ZNF362: variants seen among roughly 807,000 people sequenced by gnomAD.
ZNF362 encodes the protein zinc finger protein 362, also known as rotund homolog.
ZNF362 carries 11 observed loss-of-function variants against 42.9 expected under a neutral mutation model. The ratio of observed to expected loss-of-function variants is 0.26; its 90% CI spans 0.16 to 0.42. The LOEUF is 0.42. ZNF362 is among the 20% of genes least tolerant of loss of function. The pLI is 1.00. For missense variants in ZNF362, 362 were observed against 576.2 expected (o/e 0.63, Z 3.81); for synonymous variants, 255 against 257.3 (o/e 0.99, Z 0.09).
chr1:33,150,544 G>A, the ZNF362 span, among the ~76,000 whole-genome samples: 2 of 152,230 alleles, frequency 1.3e-5, no homozygotes, highest in Admixed American at 6.5e-5. Flanking sequence ...TTAGCCTTGT[G>A]AATAGAGGGG....
At chr1:33,157,857 A>G in the ZNF362 span, among the ~76,000 whole-genome samples, 1 of 152,028 alleles carries the variant, frequency 6.6e-6, no homozygotes, top group Non-Finnish European at 1.5e-5. Flanking sequence ...CCTGGGTTCA[A>G]GCAATTCTCC....
chr1:33,251,902 C>T (rs1645763548), upstream of ZNF362, among the ~76,000 whole-genome samples: 1 of 152,228 alleles, frequency 6.6e-6, no homozygotes, highest in Non-Finnish European at 1.5e-5. Context: ...AGAGCTCACC[C>T]ATGTCCAGTC....
At chr1:33,267,384 C>G (rs1056567658) in intron 1 of ZNF362, among the ~76,000 whole-genome samples, 1 of 152,194 alleles carries the variant, frequency 6.6e-6, no homozygotes, top group Non-Finnish European at 1.5e-5. Flanking sequence ...TTTTCTTCCC[C>G]TCTTTTCTCT....
chr1:33,276,709 G>T, intron 4 of ZNF362, 115 bp downstream of exon 4: 1 of 1,228,008 alleles, frequency 8.1e-7, no homozygotes, highest in Non-Finnish European at 1.0e-6. Flanking sequence ...GGCGGGCAGG[G>T]CCTAGGGGTA....
chr1:33,258,851 T>C (rs911383270), intron 1 of ZNF362, among the ~76,000 whole-genome samples: 1 of 152,202 alleles, frequency 6.6e-6, no homozygotes, highest in Admixed American at 6.5e-5. Context: ...CTAATGGGGA[T>C]TATGAACCTC....
the ZNF362 span, among the ~76,000 whole-genome samples, chr1:33,153,271 G>A: frequency 1.4e-4 from 21 of 152,270 alleles, no homozygotes; most frequent in East Asian, 1.5e-3. Context: ...CAAAGAAAGG[G>A]GCCCAGCCAA....
the ZNF362 span, chr1:33,180,885 G>T: frequency 3.7e-6 from 1 of 270,330 alleles, no homozygotes; most frequent in Non-Finnish European, 6.1e-6. Flanking sequence ...ACTCCTGATA[G>T]GGCCCTGACC....
chr1:33,239,680 C>T, the ZNF362 span, among the ~76,000 whole-genome samples: 1 of 152,170 alleles, frequency 6.6e-6, no homozygotes, highest in Non-Finnish European at 1.5e-5. Context: ...GACTCACTTA[C>T]TATCACGAGA....
At chr1:33,192,856 C>T in the ZNF362 span, among the ~76,000 whole-genome samples, 7 of 151,824 alleles carry the variant, frequency 4.6e-5, no homozygotes, top group Admixed American at 2.6e-4. Flanking sequence ...GAAGTGTATT[C>T]GGGAGTCTTC....
the ZNF362 span, chr1:33,165,044 G>C: frequency 6.5e-6 from 1 of 153,428 alleles, no homozygotes; most frequent in Middle Eastern, 3.3e-3. The surrounding 1 kb of genome is among the most constrained non-coding windows in gnomAD (Gnocchi z 4.0). Flanking sequence ...ATCTTGCCTC[G>C]GCCTCTGAAG....
chr1:33,282,518 A>G (rs982403010), intron 6 of ZNF362, among the ~76,000 whole-genome samples: 2 of 152,204 alleles, frequency 1.3e-5, no homozygotes, highest in Non-Finnish European at 1.5e-5. Context: ...TCAAAGCTAT[A>G]AATGCTTTAA....
the ZNF362 span, among the ~76,000 whole-genome samples, chr1:33,229,290 G>A: frequency 1.3e-5 from 2 of 152,204 alleles, no homozygotes; most frequent in East Asian, 3.9e-4. Flanking sequence ...CTGGCTCCTG[G>A]AACAGTGCCT....
chr1:33,203,801 A>G, the ZNF362 span, among the ~76,000 whole-genome samples: 1 of 151,972 alleles, frequency 6.6e-6, no homozygotes, highest in East Asian at 1.9e-4. Context: ...TCCTTTGCGC[A>G]TTTTTTAATT....
chr1:33,147,846 T>A, the ZNF362 span: 11 of 1,123,534 alleles, frequency 9.8e-6, no homozygotes, highest in Non-Finnish European at 1.4e-5. This position sits in a 1 kb window ranked among gnomAD's most constrained non-coding sequence, Gnocchi z 8.1. Flanking sequence ...ACCTGCTGTG[T>A]GACCTTGAAT....
the ZNF362 span, chr1:33,147,267 AGG>A: frequency 1.2e-6 from 2 of 1,614,134 alleles, no homozygotes; most frequent in African/African-American, 2.7e-5. The surrounding 1 kb of genome is among the most constrained non-coding windows in gnomAD (Gnocchi z 8.1). Flanking sequence ...AGAGCTTGCC[AGG>A]GAACTTCTCG....
chr1:33,141,342 CAGTT>C, the ZNF362 span, among the ~76,000 whole-genome samples: 2 of 152,182 alleles, frequency 1.3e-5, no homozygotes, highest in Non-Finnish European at 2.9e-5. Flanking sequence ...GGGGCCCTCT[CAGTT>C]AGTCAATCTC....
chr1:33,145,925 A>G, the ZNF362 span: 1 of 471,024 alleles, frequency 2.1e-6, no homozygotes, highest in Non-Finnish European at 4.4e-6. Context: ...AGTTCCCCCA[A>G]ACAGAATCTC....
the ZNF362 span, among the ~76,000 whole-genome samples, chr1:33,137,735 C>T: frequency 1.4e-4 from 22 of 152,140 alleles, no homozygotes; most frequent in Admixed American, 4.6e-4. Context: ...GGCTCAGCAC[C>T]CTCCTTGGCC....
chr1:33,293,328 G>T (rs1435279051), intron 6 of ZNF362, among the ~76,000 whole-genome samples: 1 of 152,190 alleles, frequency 6.6e-6, no homozygotes, highest in Non-Finnish European at 1.5e-5. Flanking sequence ...AGGACGTAGG[G>T]TGCGTACGAG....
Sources: allele counts gnomAD v4.1 joint callset (sites outside exome capture counted in the v4.1 genomes callset), GRCh38; gene constraint gnomAD v4.1.1; non-coding constraint Gnocchi (gnomAD v3.1); transcripts MANE v1.5; gene names NCBI Gene and HGNC (gene_info 2026-07-23, HGNC 2026-07-21).